CNTNAP5: variants seen among roughly 807,000 people sequenced by gnomAD.
The protein encoded by CNTNAP5 is contactin associated protein family member 5.
In CNTNAP5, 72 loss-of-function variants were observed where a neutral mutation model predicts 150.2. The ratio of observed to expected loss-of-function variants is 0.48; its 90% CI spans 0.40 to 0.58. The LOEUF (loss-of-function observed/expected upper bound fraction) is 0.58, where lower values mean the gene tolerates loss of function less well. CNTNAP5 is among the 20% of genes least tolerant of loss of function. CNTNAP5 has a pLI of 0.00. For synonymous variants in CNTNAP5, 672 were observed against 619.8 expected, an observed-to-expected ratio of 1.08 and a Z score of -1.25; for missense variants, 1,636 against 1,626.2, an observed-to-expected ratio of 1.01 and a Z score of -0.10.
chr2:124,082,135 G>A (rs1262966956), intron 1 of CNTNAP5, among the ~76,000 whole-genome samples: 2 of 151,948 alleles, frequency 1.3e-5, no homozygotes, highest in Non-Finnish European at 1.5e-5. Flanking sequence ...GGATCACGAG[G>A]TCAGGAGATT....
chr2:124,054,497 T>A (rs926457749), intron 1 of CNTNAP5, among the ~76,000 whole-genome samples: 7 of 152,048 alleles, frequency 4.6e-5, no homozygotes, highest in African/African-American at 1.7e-4. Context: ...AGAGCAGCTG[T>A]CAATGTCACC....
intron 3 of CNTNAP5, among the ~76,000 whole-genome samples, chr2:124,389,492 C>T (rs1185974604): frequency 6.6e-6 from 1 of 152,082 alleles, no homozygotes; most frequent in Non-Finnish European, 1.5e-5. Context: ...ACAGTTAGAC[C>T]AGTTTTATTT....
chr2:124,219,567 C>A (rs1686248623), intron 1 of CNTNAP5, among the ~76,000 whole-genome samples: 1 of 152,046 alleles, frequency 6.6e-6, no homozygotes, highest in East Asian at 1.9e-4. Flanking sequence ...AATGTAGATA[C>A]CGTATTGATG....
intron 13 of CNTNAP5, among the ~76,000 whole-genome samples, chr2:124,652,402 T>TA (rs1678342415): frequency 6.6e-6 from 1 of 152,104 alleles, no homozygotes; most frequent in Non-Finnish European, 1.5e-5. Context: ...AGACAACACT[T>TA]ATCCCCACTG....
chr2:124,645,560 C>A (rs974348870), intron 12 of CNTNAP5, among the ~76,000 whole-genome samples: 3 of 109,026 alleles, frequency 2.8e-5, no homozygotes, highest in Non-Finnish European at 7.1e-5. Flanking sequence ...ATAGCAAGCC[C>A]CTGTATCTAA....
chr2:124,605,577 G>A (rs1697084733), intron 11 of CNTNAP5, among the ~76,000 whole-genome samples: 1 of 152,054 alleles, frequency 6.6e-6, no homozygotes, highest in African/African-American at 2.4e-5. Flanking sequence ...TGCACTTTGG[G>A]AGGCTGAGGC....
At chr2:124,677,614 C>T (rs952369944) in intron 13 of CNTNAP5, among the ~76,000 whole-genome samples, 3 of 151,866 alleles carry the variant, frequency 2.0e-5, no homozygotes, top group African/African-American at 7.3e-5. Flanking sequence ...CTGACTGGTG[C>T]ATTTACAATC....
intron 21 of CNTNAP5, among the ~76,000 whole-genome samples, chr2:124,886,185 T>C (rs1277086544): frequency 6.6e-6 from 1 of 152,132 alleles, no homozygotes; most frequent in Non-Finnish European, 1.5e-5. Flanking sequence ...AGATCAGGGA[T>C]GCCACACTTT....
At chr2:124,234,966 C>A (rs1212718969) in intron 2 of CNTNAP5, among the ~76,000 whole-genome samples, 2 of 152,106 alleles carry the variant, frequency 1.3e-5, no homozygotes, top group Admixed American at 1.3e-4. Context: ...AAGCCAGCAT[C>A]TTGGAAGCTG....
At chr2:124,127,776 C>T (rs532442977) in intron 1 of CNTNAP5, among the ~76,000 whole-genome samples, 1 of 152,230 alleles carries the variant, frequency 6.6e-6, no homozygotes, top group East Asian at 1.9e-4. Flanking sequence ...ACCATTTGAC[C>T]TTTGACAAAT....
intron 3 of CNTNAP5, among the ~76,000 whole-genome samples, chr2:124,380,608 C>T (rs1245012595): frequency 2.0e-5 from 3 of 152,164 alleles, no homozygotes; most frequent in Non-Finnish European, 1.5e-5. Context: ...TCTTGTACTG[C>T]TCACTGTTTT....
intron 3 of CNTNAP5, among the ~76,000 whole-genome samples, chr2:124,396,883 G>C (rs1351088526): frequency 6.6e-6 from 1 of 152,166 alleles, no homozygotes; most frequent in African/African-American, 2.4e-5. Context: ...AGGTCCCCCA[G>C]TATTTTGCTC....
intron 21 of CNTNAP5, among the ~76,000 whole-genome samples, chr2:124,872,394 G>GTGTGTGTGTGTGTGTGTT (rs1677769209): frequency 1.3e-5 from 2 of 151,070 alleles, no homozygotes; most frequent in African/African-American, 4.9e-5. Context: ...GTGTGTGTGT[G>GTGTGTGTGTGTGTGTGTT]TGTGTGTGTG....
chr2:124,603,757 G>A (rs925267578), intron 11 of CNTNAP5, among the ~76,000 whole-genome samples: 4 of 152,092 alleles, frequency 2.6e-5, no homozygotes, highest in South Asian at 2.1e-4. Context: ...TAGATGCTAC[G>A]TAGGTAGATA....
chr2:124,099,470 G>A (rs780589205), intron 1 of CNTNAP5, among the ~76,000 whole-genome samples: 13 of 152,216 alleles, frequency 8.5e-5, no homozygotes, highest in Non-Finnish European at 1.9e-4. Context: ...CACCTGCACA[G>A]GCTGTGTCAA....
intron 8 of CNTNAP5, among the ~76,000 whole-genome samples, chr2:124,521,561 A>G (rs1467230255): frequency 6.6e-6 from 1 of 152,160 alleles, no homozygotes; most frequent in African/African-American, 2.4e-5. Flanking sequence ...TAACATGAAT[A>G]CATGATAGAT....
intron 11 of CNTNAP5, among the ~76,000 whole-genome samples, chr2:124,577,991 C>T (rs1259730367): frequency 6.6e-6 from 1 of 151,836 alleles, no homozygotes; most frequent in Non-Finnish European, 1.5e-5. Context: ...CAACAATGGT[C>T]ACATTGTTAT....
At chr2:124,670,179 C>T (rs11674033) in intron 13 of CNTNAP5, among the ~76,000 whole-genome samples, 2,150 of 89,802 alleles carry the variant, frequency 0.024, 42 homozygotes, top group African/African-American at 0.069. Context: ...CTTCCTTCCT[C>T]CCTCTCTTTC....
chr2:124,841,539 T>A (rs1485733137), intron 19 of CNTNAP5, among the ~76,000 whole-genome samples: 2 of 152,184 alleles, frequency 1.3e-5, no homozygotes, highest in East Asian at 3.9e-4. Flanking sequence ...CGGGTTTATC[T>A]TTCCTTCCAA....
Sources: gnomAD v4.1 joint callset for allele counts (sites outside exome capture counted in the v4.1 genomes callset) on GRCh38, gnomAD v4.1.1 for gene constraint, MANE v1.5 for transcripts, NCBI Gene and HGNC (gene_info 2026-07-23, HGNC 2026-07-21) for gene names.